CFAP44: variants seen among roughly 807,000 people sequenced by gnomAD.
The protein encoded by CFAP44 is cilia- and flagella-associated protein 44.
CFAP44 carries 134 observed loss-of-function variants against 216.2 expected under a neutral mutation model. The ratio of observed to expected loss-of-function variants is 0.62; its 90% CI spans 0.54 to 0.72. The LOEUF is 0.72. Among genes scored for constraint, CFAP44 ranks in the 30% least tolerant of loss-of-function variants. The pLI is 0.00. For missense variants in CFAP44, 2,035 were observed against 2,182.1 expected (o/e 0.93, Z 1.34); for synonymous variants, 700 against 727.6 (o/e 0.96, Z 0.61).
intron 32 of CFAP44, among the ~76,000 whole-genome samples, chr3:113,300,856 C>A (rs1949927458): frequency 6.6e-6 from 1 of 152,030 alleles, no homozygotes; most frequent in African/African-American, 2.4e-5. Context: ...TATGTATTTT[C>A]AATGATGTAT....
intron 34 of CFAP44, chr3:113,294,127 A>C (rs775217): frequency 2.2e-6 from 1 of 451,752 alleles, no homozygotes; most frequent in Admixed American, 2.4e-5. Flanking sequence ...TAGAGTTTGG[A>C]ATATGCTATA....
intron 9 of CFAP44, among the ~76,000 whole-genome samples, chr3:113,403,224 G>A (rs1243283698): frequency 2.6e-5 from 4 of 152,190 alleles, no homozygotes; most frequent in Admixed American, 2.6e-4. Context: ...CAAGGCTACA[G>A]GTTGACCAGC....
intron 15 of CFAP44, among the ~76,000 whole-genome samples, chr3:113,392,903 C>T (rs896105711): frequency 4.6e-5 from 7 of 152,206 alleles, no homozygotes; most frequent in African/African-American, 1.7e-4. Flanking sequence ...CTAAATATCT[C>T]TTGTCTGCAC....
rs185645925 is a variant in CFAP44 at position 113,367,346 on chromosome 3, G to A, written c.2445-1037C>T. ...CTCATACAGGCGGGTGCCCTTCTGG[G>A]ATGAAGCTTCTAGAGGAAGGATCAG... is the stretch of plus-strand genomic sequence containing the variant. On this transcript the variant is annotated intron_variant, in intron 18 of 34. Coordinates refer to ENST00000393845, the MANE Select transcript of CFAP44 (RefSeq NM_001164496.2). 4.3e-4 allele frequency among the ~76,000 whole-genome samples: 66 copies of A among 152,298 alleles called. 2 individuals are homozygous for A. The East Asian group carries it at 8.3e-3, about 19-fold the overall frequency.
intron 28 of CFAP44, among the ~76,000 whole-genome samples, chr3:113,317,962 C>T (rs1325542698): frequency 6.6e-6 from 1 of 152,148 alleles, no homozygotes; most frequent in East Asian, 1.9e-4. Flanking sequence ...CTCCCTCACC[C>T]CTACTTCAGA....
At chr3:113,386,551 AG>A (rs372765969) in intron 15 of CFAP44, among the ~76,000 whole-genome samples, 202 of 152,318 alleles carry the variant, frequency 1.3e-3, no homozygotes, top group African/African-American at 4.3e-3. Flanking sequence ...AGAGATGCCT[AG>A]GTTGTACAAT....
intron 32 of CFAP44, among the ~76,000 whole-genome samples, chr3:113,300,249 T>A (rs1949922048): frequency 6.6e-6 from 1 of 152,178 alleles, no homozygotes; most frequent in African/African-American, 2.4e-5. Flanking sequence ...GAATGGTTAA[T>A]GGGTACAAAA....
rs751396872 is a variant in CFAP44 at position 113,366,033 on chromosome 3, A to T, written c.2715+6T>A. 4.4e-6 allele frequency: 7 copies of T among 1,597,342 alleles called. No individual in the cohort carries two copies. In the East Asian group the frequency reaches 1.6e-4, roughly 36 times the overall value. ...TTATTAATTAACTGGTTAATTAATT[A>T]CATACCCTGGGAGATGGAACTTTGG... is the stretch of plus-strand genomic sequence containing the variant. On this transcript the variant is annotated splice_donor_region_variant and intron_variant, in intron 19 of 34. Coordinates refer to ENST00000393845, the MANE Select transcript of CFAP44 (RefSeq NM_001164496.2).
intron 15 of CFAP44, among the ~76,000 whole-genome samples, chr3:113,384,260 C>T (rs1348595068): frequency 3.3e-5 from 5 of 152,108 alleles, no homozygotes; most frequent in Admixed American, 6.5e-5. Flanking sequence ...AGAGTTTCAC[C>T]GTGTTAGCCA....
intron 29 of CFAP44, among the ~76,000 whole-genome samples, chr3:113,306,903 G>C (rs775068649): frequency 6.6e-6 from 1 of 152,162 alleles, no homozygotes; most frequent in Admixed American, 6.5e-5. Context: ...CATTAGGTTT[G>C]TGTGCTCTAT....
chr3:113,327,877 ACTAT>A lies in CFAP44; in HGVS notation c.4117-62_4117-59del, dbSNP rs1053612938. 4.8e-6 allele frequency: 7 copies of A among 1,456,642 alleles called. No individual in the cohort carries two copies. The African/African-American group carries it at 9.9e-5, about 21-fold the overall frequency. 90.2% of individuals were successfully genotyped at this position (1,456,642 alleles called of 1,614,324 possible). A position where few individuals can be genotyped will look rare whatever the true frequency, so the allele number is the denominator to read the frequency against. On this transcript the variant is annotated intron_variant, in intron 26 of 34. Coordinates refer to ENST00000393845, the MANE Select transcript of CFAP44 (RefSeq NM_001164496.2). Reference sequence around the variant, plus strand: ...GAAGACTAGATAAATGCATTTTTAAACTATCTAACAGTACTAATTTGTATGAAGT... The same window carrying A: ...GAAGACTAGATAAATGCATTTTTAAACTAACAGTACTAATTTGTATGAAGT...
At chr3:113,395,903 A>C (rs753994983) in intron 14 of CFAP44, 43 bp from the exon 15 acceptor site, 1 of 1,447,162 alleles carries the variant, frequency 6.9e-7, no homozygotes, top group Non-Finnish European at 9.6e-7. Flanking sequence ...TATTACTATG[A>C]AATCTAGCCT....
At chr3:113,340,987 G>T (rs1222094294) in intron 24 of CFAP44, among the ~76,000 whole-genome samples, 1 of 152,036 alleles carries the variant, frequency 6.6e-6, no homozygotes, top group East Asian at 1.9e-4. Flanking sequence ...ACTCTGCCTC[G>T]TCCCACTGGT....
chr3:113,415,354 C>T (rs1934617224), intron 6 of CFAP44, among the ~76,000 whole-genome samples: 1 of 151,842 alleles, frequency 6.6e-6, no homozygotes, highest in Non-Finnish European at 1.5e-5. Flanking sequence ...TTTTCTGTCT[C>T]TATCTCCTTC....
At chr3:113,360,724 G>A (rs1454128107) in intron 21 of CFAP44, 6 of 154,504 alleles carry the variant, frequency 3.9e-5, no homozygotes, top group African/African-American at 1.2e-4. Context: ...GTGCACTGTG[G>A]TAGTTTTATC....
chr3:113,393,390 G>A (rs977607981), intron 15 of CFAP44, among the ~76,000 whole-genome samples: 1 of 152,128 alleles, frequency 6.6e-6, no homozygotes, highest in South Asian at 2.1e-4. Context: ...CCTAATGGGA[G>A]GTGTTTGGGT....
intron 26 of CFAP44, among the ~76,000 whole-genome samples, chr3:113,328,696 T>TAAAAAAAAAAAAAAAAAAAAAAAAAA (rs58650082): frequency 3.5e-5 from 1 of 28,532 alleles, no homozygotes. Context: ...TTAGAGAGCT[T>TAAAAAAAAAAAAAAAAAAAAAAAAAA]AAAAAAAAAA....
At chr3:113,311,219 T>C (rs1950034975) in intron 28 of CFAP44, among the ~76,000 whole-genome samples, 1 of 152,074 alleles carries the variant, frequency 6.6e-6, no homozygotes, top group East Asian at 1.9e-4. Flanking sequence ...AAATAGAAAT[T>C]ATAAAGAACT....
Position 113,326,483 on chromosome 3 carries a change from A to T in CFAP44, c.4478T>A (p.Ile1493Asn), listed in dbSNP as rs774046504. The T allele has an allele frequency of 9.9e-5, 150 of 1,520,240 alleles. No homozygotes were observed. Among genetic ancestry groups the T allele is most frequent in the Non-Finnish European group, 1.3e-4 (145 of 1,142,060 alleles). 94.2% of individuals were successfully genotyped at this position (1,520,240 alleles called of 1,614,324 possible). The change falls in exon 28 of 35, where the codon ATT becomes AAT. Residue 1493 changes from isoleucine (I) to asparagine (N), a missense_variant. By Grantham distance (149) the Ile-to-Asn change is moderately radical. Transcript: ENST00000393845. ...NFLMKVLKKK[I>N]KRVKKKEVEG... is the part of the protein sequence containing the mutation. ...AACTTCTTTTTTCTTTACCCGTTTAATCTTCTTCTTTAGGACCTTCATGAG... is the reference window on the plus strand; with the variant it reads ...AACTTCTTTTTTCTTTACCCGTTTATTCTTCTTCTTTAGGACCTTCATGAG...
Sources: allele counts gnomAD v4.1 joint callset (sites outside exome capture counted in the v4.1 genomes callset), GRCh38; gene constraint gnomAD v4.1.1; transcripts MANE v1.5; gene names NCBI Gene and HGNC (gene_info 2026-07-23, HGNC 2026-07-21).